Variants in PCDH9 observed in about 807,000 individuals in gnomAD.
The protein encoded by PCDH9 is protocadherin-9.
Under a neutral mutation model 70.6 loss-of-function variants are expected in PCDH9, and 24 were observed. The ratio of observed to expected loss-of-function variants is 0.34; its 90% CI spans 0.25 to 0.48. The LOEUF is 0.48. PCDH9 is among the 20% of genes least tolerant of loss of function. PCDH9 has a pLI of 0.99. For synonymous variants in PCDH9, 562 were observed against 558.5 expected (o/e 1.01, Z -0.09); for missense variants, 1,281 against 1,503.6 (o/e 0.85, Z 2.45).
chr13:67,035,245 T>C (rs907660418), intron 2 of PCDH9, among the ~76,000 whole-genome samples: 7 of 152,164 alleles, frequency 4.6e-5, no homozygotes, highest in African/African-American at 1.4e-4. Context: ...GGCATGTGTC[T>C]CTTGTCAAAA....
intron 2 of PCDH9, among the ~76,000 whole-genome samples, chr13:67,094,768 A>G (rs2086287785): frequency 1.3e-5 from 2 of 152,078 alleles, no homozygotes; most frequent in Admixed American, 6.6e-5. Context: ...CCTTCTGTCC[A>G]ATTTCTAAAT....
chr13:66,448,689 C>T (rs367918515), intron 4 of PCDH9, among the ~76,000 whole-genome samples: 1 of 151,932 alleles, frequency 6.6e-6, no homozygotes, highest in Non-Finnish European at 1.5e-5. Flanking sequence ...ATTAAAAGTA[C>T]CATAGTAATG....
At chr13:66,484,519 G>A (rs762085234) in intron 4 of PCDH9, among the ~76,000 whole-genome samples, 1 of 152,166 alleles carries the variant, frequency 6.6e-6, no homozygotes, top group African/African-American at 2.4e-5. Context: ...AGATGGAAGA[G>A]TAGATTCTAG....
intron 3 of PCDH9, among the ~76,000 whole-genome samples, chr13:66,708,430 G>A (rs2078746895): frequency 7.1e-6 from 1 of 141,374 alleles, no homozygotes; most frequent in Non-Finnish European, 1.5e-5. Flanking sequence ...TCTTTCTTAG[G>A]TCTAGTTTGA....
chr13:67,158,193 T>A (rs2087863659), intron 2 of PCDH9, among the ~76,000 whole-genome samples: 1 of 152,206 alleles, frequency 6.6e-6, no homozygotes, highest in East Asian at 1.9e-4. Context: ...TAGTGCTTAT[T>A]TTAGGCCCAA....
At chr13:66,864,413 A>C (rs1249583044) in intron 3 of PCDH9, among the ~76,000 whole-genome samples, 1 of 152,126 alleles carries the variant, frequency 6.6e-6, no homozygotes. Flanking sequence ...AGATGTTTTG[A>C]CACAAGACCA....
intron 2 of PCDH9, among the ~76,000 whole-genome samples, chr13:67,190,072 G>A (rs187606456): frequency 3.9e-5 from 6 of 151,980 alleles, no homozygotes; most frequent in African/African-American, 1.4e-4. Context: ...ATTTTGTAAG[G>A]CTTATAATAT....
intron 2 of PCDH9, among the ~76,000 whole-genome samples, chr13:67,075,936 G>T (rs545550600): frequency 6.6e-6 from 1 of 152,102 alleles, no homozygotes; most frequent in South Asian, 2.1e-4. Flanking sequence ...GGAAGAATTT[G>T]GGAAAAACGT....
intron 2 of PCDH9, among the ~76,000 whole-genome samples, chr13:67,111,542 C>G (rs998983959): frequency 1.3e-5 from 2 of 152,124 alleles, no homozygotes; most frequent in Non-Finnish European, 2.9e-5. Context: ...AACGCTACTA[C>G]CAAGGTTACA....
chr13:67,149,461 T>C (rs922635616), intron 2 of PCDH9, among the ~76,000 whole-genome samples: 2 of 151,952 alleles, frequency 1.3e-5, no homozygotes, highest in African/African-American at 4.8e-5. Context: ...TGTTAGGCTC[T>C]GATAAATATT....
rs1268170783 is a variant in PCDH9 at position 66,681,344 on chromosome 13, TTTAA to T, written c.3139-49937_3139-49934del. 2.6e-5 allele frequency among the ~76,000 whole-genome samples: 4 copies of T among 152,266 alleles called. No individual in the cohort carries two copies. In the East Asian group the frequency reaches 7.7e-4, roughly 29 times the overall value. Reference sequence around the variant, plus strand: ...ATAGAAGAAAATCTGTTGCTAGACATTTAATTGTTTCCATTACATTGAAAAACTA... The same window carrying T: ...ATAGAAGAAAATCTGTTGCTAGACATTTGTTTCCATTACATTGAAAAACTA... On this transcript the variant is annotated intron_variant, in intron 3 of 4. Transcript: ENST00000377865.
intron 4 of PCDH9, among the ~76,000 whole-genome samples, chr13:66,359,775 T>C (rs1177680669): frequency 6.6e-6 from 1 of 152,084 alleles, no homozygotes; most frequent in African/African-American, 2.4e-5. Context: ...TTAGAAATTA[T>C]TTCTAAGCTT....
chr13:66,533,466 T>G (rs1960558870), intron 4 of PCDH9, among the ~76,000 whole-genome samples: 1 of 152,094 alleles, frequency 6.6e-6, no homozygotes, highest in African/African-American at 2.4e-5. Flanking sequence ...ATTAACAAAT[T>G]ACTTTTGTAT....
intron 4 of PCDH9, among the ~76,000 whole-genome samples, chr13:66,395,368 C>T (rs1480581486): frequency 2.6e-5 from 4 of 151,980 alleles, no homozygotes; most frequent in Admixed American, 6.6e-5. Context: ...TTTGGGAGTC[C>T]GAGGCAGGTG....
chr13:67,027,520 T>C (rs777122028), intron 2 of PCDH9, among the ~76,000 whole-genome samples: 280 of 152,114 alleles, frequency 1.8e-3, no homozygotes, highest in Middle Eastern at 0.017. Flanking sequence ...AAGGACTTCA[T>C]GTCTAAAACA....
rs2079029722 is a variant in PCDH9, at chr13:66,728,158, G to A, written c.3139-96747C>T. Among the ~76,000 whole-genome samples, 2 of 151,998 alleles carry A rather than the reference G, an allele frequency of 1.3e-5. 1 individual carries two copies. Among genetic ancestry groups the A allele is most frequent in the South Asian group, 4.1e-4 (2 of 4,824 alleles). ...ATAGCCTTCCTAAAGACATCTCAATGCTATTGACTATCCTTTGTACTATAT... is the reference window on the plus strand; with the variant it reads ...ATAGCCTTCCTAAAGACATCTCAATACTATTGACTATCCTTTGTACTATAT... On this transcript the variant is annotated intron_variant, in intron 3 of 4. Transcript: ENST00000377865.
At chr13:66,903,091 T>G (rs955542541) in intron 3 of PCDH9, among the ~76,000 whole-genome samples, 2 of 152,034 alleles carry the variant, frequency 1.3e-5, no homozygotes, top group South Asian at 4.1e-4. Context: ...AGCAGCAATG[T>G]CTTTCTCATT....
intron 3 of PCDH9, among the ~76,000 whole-genome samples, chr13:66,832,393 T>G (rs143059221): frequency 0.016 from 2,444 of 152,180 alleles, 80 homozygotes; most frequent in African/African-American, 0.055. Flanking sequence ...ACCACGTTTT[T>G]CCCTACATTT....
intron 4 of PCDH9, among the ~76,000 whole-genome samples, chr13:66,553,947 T>C: frequency 6.6e-6 from 1 of 152,140 alleles, no homozygotes; most frequent in Non-Finnish European, 1.5e-5. Flanking sequence ...TCATATGGCT[T>C]TGTGGAGGTT....
Sources: allele counts gnomAD v4.1 joint callset (sites outside exome capture counted in the v4.1 genomes callset), GRCh38; gene constraint gnomAD v4.1.1; transcripts MANE v1.5; gene names NCBI Gene and HGNC (gene_info 2026-07-23, HGNC 2026-07-21).